PIK3R5: variants seen among roughly 807,000 people sequenced by gnomAD.
PIK3R5 encodes the protein phosphoinositide-3-kinase regulatory subunit 5, also known as phosphoinositide 3-kinase regulatory subunit 5.
PIK3R5 carries 32 observed loss-of-function variants against 94.9 expected under a neutral mutation model. That is an observed-to-expected ratio of 0.34 (90% confidence interval 0.25 to 0.45). The LOEUF (loss-of-function observed/expected upper bound fraction) is 0.45. Ranked by LOEUF, PIK3R5 falls within the 20% of genes least tolerant of loss-of-function variation. The probability of loss-of-function intolerance (pLI) is 1.00; values close to 1 mark genes in which losing one functional copy is unlikely to be tolerated. For synonymous variants in PIK3R5, 443 were observed against 479.4 expected, an observed-to-expected ratio of 0.92 and a Z score of 0.99; for missense variants, 853 against 1,144.6, an observed-to-expected ratio of 0.75 and a Z score of 3.68.
intron 5 of PIK3R5, among the ~76,000 whole-genome samples, chr17:8,894,083 G>C (rs2090091412): frequency 1.3e-5 from 2 of 152,180 alleles, no homozygotes; most frequent in South Asian, 4.1e-4. Flanking sequence ...GCGTGGCCTT[G>C]GCCAGGTCAC....
intron 1 of PIK3R5, among the ~76,000 whole-genome samples, chr17:8,951,674 C>A (rs1186552973): frequency 1.3e-5 from 2 of 152,020 alleles, no homozygotes; most frequent in African/African-American, 4.8e-5. Flanking sequence ...TTAGTTTGAC[C>A]TTTTGGTGTA....
At chr17:8,923,642 T>C (rs1022056730) in intron 1 of PIK3R5, among the ~76,000 whole-genome samples, 1 of 152,170 alleles carries the variant, frequency 6.6e-6, no homozygotes, top group African/African-American at 2.4e-5. Context: ...AGCAACCGAA[T>C]TCTTTGGGCA....
At chr17:8,894,343 C>T (rs1028447501) in intron 5 of PIK3R5, among the ~76,000 whole-genome samples, 3 of 152,204 alleles carry the variant, frequency 2.0e-5, no homozygotes, top group Admixed American at 6.5e-5. Flanking sequence ...TGCCTTCCCG[C>T]TATGCCAGGC....
chr17:8,957,925 GCT>G (rs2151480937), intron 1 of PIK3R5, among the ~76,000 whole-genome samples: 1 of 152,274 alleles, frequency 6.6e-6, no homozygotes, highest in East Asian at 1.9e-4. Flanking sequence ...AAGGTAACGT[GCT>G]TCCAAAATCA....
At position 8,890,925 on chromosome 17, in the gene PIK3R5, G is replaced by C. The variant is rs771641735; in HGVS notation, c.483-13C>G. 11 of 1,612,060 alleles carry C rather than the reference G, an allele frequency of 6.8e-6. No homozygotes were observed. The highest frequency in any genetic ancestry group is 6.6e-5 in the South Asian group (6 of 90,824). Reference sequence around the variant, plus strand: ...CAGCAGCACGGTGCTGGGGACACAGGGGACCGGCTATGGCACCCAGGGGTG... The same window carrying C: ...CAGCAGCACGGTGCTGGGGACACAGCGGACCGGCTATGGCACCCAGGGGTG... On this transcript the variant is annotated splice_polypyrimidine_tract_variant and intron_variant, in intron 6 of 18. Coordinates refer to ENST00000447110, the MANE Select transcript of PIK3R5 (RefSeq NM_001142633.3). This position sits in a 1 kb window ranked among gnomAD's most constrained non-coding sequence, Gnocchi z 6.1.
At position 8,893,571 on chromosome 17, in the gene PIK3R5, C is replaced by T. The variant is rs1438008169; in HGVS notation, c.482+15G>A. The T allele has an allele frequency of 2.5e-6, 4 of 1,609,690 alleles. No homozygotes were observed. Among genetic ancestry groups the T allele is most frequent in the Non-Finnish European group, 3.4e-6 (4 of 1,176,154 alleles). ...CTCCCTCCCCACTGTTTCTCCGTCC[C>T]CCAAGAGCACTCACACGGTGGAGCT... On this transcript the variant is annotated intron_variant, in intron 6 of 18. Transcript: ENST00000447110. The surrounding 1 kb of genome is among the most constrained non-coding windows in gnomAD (Gnocchi z 5.1).
chr17:8,935,855 C>G lies in PIK3R5; in HGVS notation c.-13-24348G>C, dbSNP rs1021325135. Among the ~76,000 whole-genome samples the G allele has an allele frequency of 3.3e-5, 5 of 152,044 alleles. No individual in the cohort carries two copies. The highest frequency in any genetic ancestry group is 3.2e-3 in the Middle Eastern group (1 of 316). On this transcript the variant is annotated intron_variant, in intron 1 of 18. Transcript: ENST00000447110. The surrounding 1 kb of genome is among the most constrained non-coding windows in gnomAD (Gnocchi z 4.5). The stretch of plus-strand genomic sequence containing the variant: ...GGATCACGAGGTCAGGAGATCGAGA[C>G]TATACTGGCTAACGCAGTGAAACCC...
chr17:8,959,468 C>T (rs1049167780), intron 1 of PIK3R5, among the ~76,000 whole-genome samples: 12 of 152,054 alleles, frequency 7.9e-5, no homozygotes, highest in Non-Finnish European at 2.9e-5. Context: ...TACATGTGTG[C>T]TTATGGGTGA....
Position 8,932,666 on chromosome 17 carries a change from C to T in PIK3R5, c.-13-21159G>A, listed in dbSNP as rs569201077. 5.9e-5 allele frequency among the ~76,000 whole-genome samples: 9 copies of T among 152,142 alleles called. 1 individual carries two copies. Among genetic ancestry groups the T allele is most frequent in the South Asian group, 4.1e-4 (2 of 4,822 alleles). The stretch of plus-strand genomic sequence containing the variant: ...CAAGAATAAGATCAGTGAACTTAAA[C>T]GATAGAAACCATTCAAACTAAAATA... On this transcript the variant is annotated intron_variant, in intron 1 of 18. Coordinates refer to ENST00000447110, the MANE Select transcript of PIK3R5 (RefSeq NM_001142633.3).
Position 8,881,902 on chromosome 17 carries a change from G to A in PIK3R5, c.2206-21C>T, listed in dbSNP as rs1296358170. 2.5e-6 allele frequency: 4 copies of A among 1,592,858 alleles called. No homozygotes were observed. The highest frequency in any genetic ancestry group is 2.2e-5 in the South Asian group (2 of 89,792). ...GCCCCCTGGAAATGCAGTGTAGCCA[G>A]ACCCTCTGAGTCCAGAGGCCCCGGT... On this transcript the variant is annotated intron_variant, in intron 15 of 18. Transcript: ENST00000447110. The surrounding 1 kb of genome is among the most constrained non-coding windows in gnomAD (Gnocchi z 4.8).
chr17:8,937,995 A>G (rs188331614), intron 1 of PIK3R5, among the ~76,000 whole-genome samples: 1 of 151,920 alleles, frequency 6.6e-6, no homozygotes, highest in Non-Finnish European at 1.5e-5. Flanking sequence ...ATTTTTAGTA[A>G]AGACGGGGTT....
rs1212487260 is a variant in PIK3R5 at position 8,925,303 on chromosome 17, ATAG to A, written c.-13-13799_-13-13797del. Among the ~76,000 whole-genome samples the A allele has an allele frequency of 6.6e-5, 10 of 151,964 alleles. No individual in the cohort carries two copies. The South Asian group carries it at 1.9e-3, about 28-fold the overall frequency. On this transcript the variant is annotated intron_variant, in intron 1 of 18. Transcript: ENST00000447110. The surrounding 1 kb of genome is among the most constrained non-coding windows in gnomAD (Gnocchi z 5.1). ...AGATAGTAGATGGATAGATAGATAGATAGTAGATGGATAGATAGTAGATGGATA... is the reference window on the plus strand; with the variant it reads ...AGATAGTAGATGGATAGATAGATAGATAGATGGATAGATAGTAGATGGATA...
intron 5 of PIK3R5, chr17:8,894,033 G>A (rs1360679911): frequency 5.7e-6 from 1 of 176,834 alleles, no homozygotes; most frequent in Admixed American, 6.1e-5. Flanking sequence ...TCCAGGGTGA[G>A]AGCCCGTGTC....
At chr17:8,927,088 G>T (rs2090897358) in intron 1 of PIK3R5, among the ~76,000 whole-genome samples, 1 of 152,142 alleles carries the variant, frequency 6.6e-6, no homozygotes, top group South Asian at 2.1e-4. Flanking sequence ...AATGGCATGG[G>T]TGAGTTCCCT....
At position 8,893,842 on chromosome 17, in the gene PIK3R5, T is replaced by C; in HGVS notation, c.413-187A>G. 1 of 545,576 alleles carries C rather than the reference T, an allele frequency of 1.8e-6. No homozygotes were observed. The highest frequency in any genetic ancestry group is 3.1e-5 in the East Asian group (1 of 32,136). 33.8% of individuals were successfully genotyped at this position (545,576 alleles called of 1,614,324 possible). ...AGCAGTTTGCTTCTATGCGTCCTTTTACACCTCACGAGTCATATCCCCACC... is the reference window on the plus strand; with the variant it reads ...AGCAGTTTGCTTCTATGCGTCCTTTCACACCTCACGAGTCATATCCCCACC... On this transcript the variant is annotated intron_variant, in intron 5 of 18. Coordinates refer to ENST00000447110, the MANE Select transcript of PIK3R5 (RefSeq NM_001142633.3). The surrounding 1 kb of genome is among the most constrained non-coding windows in gnomAD (Gnocchi z 5.1).
intron 1 of PIK3R5, among the ~76,000 whole-genome samples, chr17:8,929,863 G>A (rs530531457): frequency 2.6e-5 from 4 of 152,216 alleles, no homozygotes; most frequent in African/African-American, 9.6e-5. Context: ...TGGGTACAAT[G>A]TACACTACTC....
rs1253717149 is a variant in PIK3R5, at chr17:8,896,857, A to G, written c.413-3202T>C. ...GTTTCCTCCTACAAGGGGAACACCA[A>G]GATTCCACGGAATCAACAGGGTGGA... is the stretch of plus-strand genomic sequence containing the variant. On this transcript the variant is annotated intron_variant, in intron 5 of 18. Coordinates refer to ENST00000447110, the MANE Select transcript of PIK3R5 (RefSeq NM_001142633.3). The surrounding 1 kb of genome is among the most constrained non-coding windows in gnomAD (Gnocchi z 4.0). Among the ~76,000 whole-genome samples, 11 of 152,224 alleles carry G rather than the reference A, an allele frequency of 7.2e-5. No individual in the cohort carries two copies. Among genetic ancestry groups the G allele is most frequent in the Admixed American group, 7.2e-4 (11 of 15,286 alleles).
intron 1 of PIK3R5, among the ~76,000 whole-genome samples, chr17:8,912,752 A>G (rs990440074): frequency 6.6e-6 from 1 of 152,240 alleles, no homozygotes; most frequent in African/African-American, 2.4e-5. Flanking sequence ...ACCTGGGTTC[A>G]GCTGCGCGGC....
chr17:8,913,447 C>A (rs1302325544), intron 1 of PIK3R5, among the ~76,000 whole-genome samples: 1 of 152,218 alleles, frequency 6.6e-6, no homozygotes, highest in Admixed American at 6.5e-5. Flanking sequence ...TGGCTCATGC[C>A]CGTAATCCCA....
Sources: allele counts gnomAD v4.1 joint callset (sites outside exome capture counted in the v4.1 genomes callset), GRCh38; gene constraint gnomAD v4.1.1; non-coding constraint Gnocchi (gnomAD v3.1); transcripts MANE v1.5; gene names NCBI Gene and HGNC (gene_info 2026-07-23, HGNC 2026-07-21).